The following STYXL1 variants were observed in gnomAD, a reference collection of about 807,000 sequenced individuals.
STYXL1 encodes the protein serine/threonine/tyrosine interacting like 1, also known as serine/threonine/tyrosine-interacting-like protein 1.
In STYXL1, 32 loss-of-function variants were observed where a neutral mutation model predicts 36.4. That is an observed-to-expected ratio of 0.88 (90% CI 0.66 to 1.18). The LOEUF is 1.18. STYXL1 is among the 50% of genes most tolerant of loss of function. The pLI is 0.00. For synonymous variants in STYXL1, 133 were observed against 144.1 expected, an observed-to-expected ratio of 0.92 and a Z score of 0.55; for missense variants, 354 against 394.1, an observed-to-expected ratio of 0.90 and a Z score of 0.86.
rs1791288399 is a variant in STYXL1, at chr7:76,003,784, A to G, written c.671T>C (p.Phe224Ser). The change falls in exon 7 of 9, where the codon TTC (phenylalanine) becomes TCC (serine). Residue 224 changes from phenylalanine to serine, a missense_variant. Physicochemically the swap from Phe to Ser is radical, Grantham distance 155. Coordinates refer to ENST00000359697, the MANE Select transcript of STYXL1 (RefSeq NM_001317785.2). ...AATGAAGTGACACATGTGGCGTAAGAAGGGAAGAATCTGGGCTTCCGGGGA... is the reference window on the plus strand; with the variant it reads ...AATGAAGTGACACATGTGGCGTAAGGAGGGAAGAATCTGGGCTTCCGGGGA... ...EDSPEAQILP[F>S]LRHMCHFIEI... 6.2e-7 allele frequency: 1 copy of G among 1,614,182 alleles called. No homozygotes were observed. Among genetic ancestry groups the G allele is most frequent in the Non-Finnish European group, 8.5e-7 (1 of 1,180,022 alleles).
At chr7:76,000,312 G>A (rs879996391) in intron 8 of STYXL1, 8 of 415,216 alleles carry the variant, frequency 1.9e-5, no homozygotes, top group African/African-American at 4.1e-5. Context: ...ACTGGCCAAC[G>A]AGTTTTATTC....
intron 7 of STYXL1, among the ~76,000 whole-genome samples, chr7:76,001,581 C>T (rs565901943): frequency 1.3e-5 from 2 of 151,896 alleles, no homozygotes; most frequent in Non-Finnish European, 2.9e-5. Context: ...GCAACCTCTG[C>T]CTCCTGGGTT....
chr7:76,005,742 G>T (rs1229093419), intron 5 of STYXL1, among the ~76,000 whole-genome samples: 2 of 152,026 alleles, frequency 1.3e-5, no homozygotes, highest in African/African-American at 4.8e-5. Context: ...GCATGTACTG[G>T]GGGCTCAGGA....
At chr7:75,997,969 T>C (rs1790339072) in intron 8 of STYXL1, among the ~76,000 whole-genome samples, 1 of 152,190 alleles carries the variant, frequency 6.6e-6, no homozygotes, top group Admixed American at 6.5e-5. Context: ...AAAGACATCC[T>C]GTGTTCATGG....
chr7:76,039,182 C>T lies in STYXL1; in HGVS notation c.-5+8480G>A, dbSNP rs1007599806. On this transcript the variant is annotated intron_variant, in intron 1 of 8. Transcript: ENST00000359697. The stretch of plus-strand genomic sequence containing the variant: ...CGAACTCCTGACCTCGTGATCCACC[C>T]GCCTTGGCATCCCGAAGTGCTGGGA... Among the ~76,000 whole-genome samples, 7 of 149,060 alleles carry T rather than the reference C, an allele frequency of 4.7e-5. 1 individual carries two copies. Among genetic ancestry groups the T allele is most frequent in the African/African-American group, 1.8e-4 (7 of 38,624 alleles).
intron 1 of STYXL1, among the ~76,000 whole-genome samples, chr7:76,033,883 T>C (rs1554580118): frequency 6.6e-6 from 1 of 152,226 alleles, no homozygotes; most frequent in Non-Finnish European, 1.5e-5. Flanking sequence ...GGCTCTGCGA[T>C]TCACTATCAG....
At chr7:76,034,421 C>T (rs1466945896) in intron 1 of STYXL1, among the ~76,000 whole-genome samples, 4 of 152,196 alleles carry the variant, frequency 2.6e-5, no homozygotes, top group Admixed American at 6.5e-5. Context: ...TGGGCTCAAA[C>T]GCCTCAGCCT....
chr7:76,018,395 A>ATT lies in STYXL1; in HGVS notation c.307+3454_307+3455dup, dbSNP rs1268797595. Among the ~76,000 whole-genome samples the ATT allele has an allele frequency of 6.7e-3, 973 of 144,716 alleles. 13 individuals are homozygous for ATT. Among genetic ancestry groups the ATT allele is most frequent in the African/African-American group, 0.021 (844 of 39,644 alleles). The allele number at this position is 144,716 out of a possible 152,430, so 94.9% of individuals were successfully genotyped here. A position where few individuals can be genotyped will look rare whatever the true frequency, so the allele number is the denominator to read the frequency against. On this transcript the variant is annotated intron_variant, in intron 4 of 8. Coordinates refer to ENST00000359697, the MANE Select transcript of STYXL1 (RefSeq NM_001317785.2). ...CATTATAGCACATGTCAGTACTTTT[A>ATT]TTTTTTTTTTTTTGAGACCGAGTTT...
chr7:76,005,459 T>C, intron 5 of STYXL1, 55 bp from the exon 6 acceptor site: 2 of 1,511,300 alleles, frequency 1.3e-6, no homozygotes, highest in Non-Finnish European at 1.8e-6. Flanking sequence ...GGAAGAGGGA[T>C]GTCTATCTCT....
chr7:76,018,779 G>A (rs1428201045), intron 4 of STYXL1, among the ~76,000 whole-genome samples: 2 of 152,158 alleles, frequency 1.3e-5, no homozygotes, highest in Non-Finnish European at 2.9e-5. Context: ...TAGACACTTA[G>A]GTTGTTCGTG....
chr7:76,046,472 G>C (rs1046302570), intron 1 of STYXL1, among the ~76,000 whole-genome samples: 6 of 151,790 alleles, frequency 4.0e-5, no homozygotes, highest in African/African-American at 1.5e-4. Flanking sequence ...TCAGCCTCCT[G>C]AGTAGCTGGG....
intron 1 of STYXL1, among the ~76,000 whole-genome samples, chr7:76,039,875 G>A (rs376147051): frequency 3.9e-5 from 6 of 151,998 alleles, no homozygotes; most frequent in African/African-American, 9.7e-5. Context: ...TCAAACTCCC[G>A]ACCTCAGGTG....
At chr7:76,018,987 T>C (rs376731677) in intron 4 of STYXL1, among the ~76,000 whole-genome samples, 5 of 152,238 alleles carry the variant, frequency 3.3e-5, no homozygotes, top group African/African-American at 1.2e-4. Flanking sequence ...CAACACTTAT[T>C]ATCATCTGTC....
intron 5 of STYXL1, among the ~76,000 whole-genome samples, chr7:76,010,159 C>T (rs1389775043): frequency 6.6e-6 from 1 of 152,074 alleles, no homozygotes; most frequent in Non-Finnish European, 1.5e-5. Flanking sequence ...CCTCCAAGAG[C>T]AAGGAGGAGC....
chr7:75,996,683 G>A, intron 8 of STYXL1, 84 bp from the exon 9 acceptor site: 2 of 1,391,450 alleles, frequency 1.4e-6, no homozygotes, highest in East Asian at 2.3e-5. Context: ...TCAGAGACAG[G>A]AGGCACTTGC....
intron 4 of STYXL1, among the ~76,000 whole-genome samples, chr7:76,020,338 C>A (rs1454667046): frequency 6.6e-6 from 1 of 152,208 alleles, no homozygotes; most frequent in Non-Finnish European, 1.5e-5. Context: ...CCCCCAGCTT[C>A]TGGAACGGCA....
chr7:75,997,198 G>A (rs1049431588), intron 8 of STYXL1, among the ~76,000 whole-genome samples: 15 of 152,084 alleles, frequency 9.9e-5, no homozygotes, highest in Admixed American at 5.2e-4. Context: ...TTGGGGGGCC[G>A]AGACGGGTGG....
intron 1 of STYXL1, among the ~76,000 whole-genome samples, chr7:76,040,826 AAAAAAAAG>A (rs1158597144): frequency 1.2e-4 from 18 of 151,960 alleles, no homozygotes; most frequent in East Asian, 9.7e-4. Context: ...ACACAGCTAA[AAAAAAAAG>A]AAAAAAGAAA....
intron 3 of STYXL1, 50 bp downstream of exon 3, chr7:76,028,592 C>A (rs782749079): frequency 6.4e-7 from 1 of 1,568,322 alleles, no homozygotes; most frequent in South Asian, 1.1e-5. Context: ...TCTTCCCCAC[C>A]CCACTGCAAG....
Sources: allele counts gnomAD v4.1 joint callset (sites outside exome capture counted in the v4.1 genomes callset), GRCh38; gene constraint gnomAD v4.1.1; transcripts MANE v1.5; gene names NCBI Gene and HGNC (gene_info 2026-07-23, HGNC 2026-07-21).